Variants in SH3BP4 observed in about 807,000 individuals in gnomAD.
SH3BP4 encodes SH3 domain-binding protein 4.
In SH3BP4, 33 loss-of-function variants were observed where a neutral mutation model predicts 65.5. The observed-to-expected ratio is 0.50, with a 90% CI of 0.38 to 0.67. The LOEUF is 0.67. SH3BP4 is among the 30% of genes least tolerant of loss of function. The pLI is 0.00. For synonymous variants in SH3BP4, 552 were observed against 545.5 expected (o/e 1.01, Z -0.17); for missense variants, 1,134 against 1,261.4 (o/e 0.90, Z 1.53).
At chr2:234,972,691 A>C (rs1328288339) in intron 1 of SH3BP4, among the ~76,000 whole-genome samples, 1 of 152,106 alleles carries the variant, frequency 6.6e-6, no homozygotes, top group African/African-American at 2.4e-5. Flanking sequence ...ATGCTGCTGC[A>C]CTCCAGCCTG....
intron 3 of SH3BP4, among the ~76,000 whole-genome samples, chr2:235,038,532 A>G (rs973620491): frequency 6.7e-6 from 1 of 149,462 alleles, no homozygotes; most frequent in African/African-American, 2.5e-5. Context: ...TATATTACAG[A>G]TATATAATTT....
intron 4 of SH3BP4, among the ~76,000 whole-genome samples, chr2:235,048,112 G>A (rs950381007): frequency 3.1e-4 from 47 of 152,150 alleles, no homozygotes; most frequent in African/African-American, 1.1e-3. Flanking sequence ...TGGACAGTGT[G>A]CATTGGATGG....
intron 3 of SH3BP4, among the ~76,000 whole-genome samples, chr2:235,037,946 C>T (rs1559253868): frequency 1.3e-5 from 2 of 151,950 alleles, no homozygotes; most frequent in East Asian, 1.9e-4. Flanking sequence ...AATTCAGACA[C>T]TGCTTTCACC....
intron 3 of SH3BP4, among the ~76,000 whole-genome samples, chr2:235,038,311 AT>A (rs1271983034): frequency 4.9e-4 from 10 of 20,218 alleles, no homozygotes; most frequent in African/African-American, 2.4e-3. Flanking sequence ...ATATATATAT[AT>A]TATATATTAT....
In SH3BP4 at chr2:234,991,991, G is replaced by A. The variant is rs1042898213; in HGVS notation, c.-206-3312G>A. Among the ~76,000 whole-genome samples, 16 of 152,232 alleles carry A rather than the reference G, an allele frequency of 1.1e-4. No individual in the cohort carries two copies. Among genetic ancestry groups the A allele is most frequent in the Non-Finnish European group, 1.8e-4 (12 of 68,038 alleles). On this transcript the variant is annotated intron_variant, in intron 1 of 5. Transcript: ENST00000392011. The surrounding 1 kb of genome is among the most constrained non-coding windows in gnomAD (Gnocchi z 4.2). ...AATCATCCCCCTGTCCAGGGAGCCT[G>A]CCGGGCTCAGCTTCAGGACCACAAG...
intron 2 of SH3BP4, among the ~76,000 whole-genome samples, chr2:235,007,898 C>T (rs765414870): frequency 1.3e-5 from 2 of 152,188 alleles, no homozygotes; most frequent in Non-Finnish European, 2.9e-5. Context: ...ACCAGCAGAG[C>T]AGGGATGGGC....
At chr2:234,982,917 A>G (rs1040651810) in intron 1 of SH3BP4, among the ~76,000 whole-genome samples, 5 of 152,164 alleles carry the variant, frequency 3.3e-5, no homozygotes, top group African/African-American at 1.2e-4. Context: ...GGATAATACA[A>G]TGATGATGAG....
chr2:235,001,326 C>CT (rs1694090641), intron 2 of SH3BP4, among the ~76,000 whole-genome samples: 2 of 152,180 alleles, frequency 1.3e-5, no homozygotes, highest in Admixed American at 1.3e-4. Flanking sequence ...TGTCAGATTC[C>CT]TTAGAGGATT....
At chr2:234,992,803 T>A (rs1693791176) in intron 1 of SH3BP4, among the ~76,000 whole-genome samples, 2 of 148,550 alleles carry the variant, frequency 1.3e-5, no homozygotes, top group African/African-American at 2.5e-5. Context: ...TCCTGCCGTG[T>A]GGCTCTGCAT....
At chr2:235,032,648 C>G (rs1212443512) in intron 2 of SH3BP4, among the ~76,000 whole-genome samples, 1 of 152,144 alleles carries the variant, frequency 6.6e-6, no homozygotes, top group Admixed American at 6.5e-5. Context: ...ACCCCTTCAT[C>G]CAGCTCTACA....
intron 2 of SH3BP4, among the ~76,000 whole-genome samples, chr2:235,025,733 C>G (rs1694980294): frequency 6.6e-6 from 1 of 152,196 alleles, no homozygotes; most frequent in Admixed American, 6.5e-5. Flanking sequence ...GCAGTAAATG[C>G]CTAGAGATGA....
rs767510784 is a variant in SH3BP4 at position 234,976,607 on chromosome 2, C to T, written c.-206-18696C>T. 6.6e-6 allele frequency among the ~76,000 whole-genome samples: 1 copy of T among 152,048 alleles called. No individual in the cohort carries two copies. Among genetic ancestry groups the T allele is most frequent in the South Asian group, 2.1e-4 (1 of 4,812 alleles). On this transcript the variant is annotated intron_variant, in intron 1 of 5. Coordinates refer to ENST00000392011, the MANE Select transcript of SH3BP4 (RefSeq NM_014521.3). The surrounding 1 kb of genome is among the most constrained non-coding windows in gnomAD (Gnocchi z 4.7). Reference sequence around the variant, plus strand: ...ATCTCTGAGCAGAGCAAGCAGGGGCCTGCGGAAGGGGTTAAGAGGGGCTGG... The same window carrying T: ...ATCTCTGAGCAGAGCAAGCAGGGGCTTGCGGAAGGGGTTAAGAGGGGCTGG...
intron 1 of SH3BP4, among the ~76,000 whole-genome samples, chr2:234,969,715 G>T (rs1692931191): frequency 1.3e-5 from 2 of 152,140 alleles, no homozygotes; most frequent in Non-Finnish European, 1.5e-5. Context: ...GCCTCCTCTG[G>T]TGGGCCCCTA....
intron 2 of SH3BP4, among the ~76,000 whole-genome samples, chr2:235,008,363 G>A (rs1694369794): frequency 6.6e-6 from 1 of 152,176 alleles, no homozygotes; most frequent in Admixed American, 6.5e-5. Context: ...CTCCCTGCAG[G>A]GCCCAGGAGG....
chr2:234,999,895 C>T (rs1344655610), intron 2 of SH3BP4, among the ~76,000 whole-genome samples: 2 of 152,254 alleles, frequency 1.3e-5, no homozygotes, highest in Non-Finnish European at 2.9e-5. Flanking sequence ...ATACCTGGCC[C>T]AGGAGTGGCT....
intron 1 of SH3BP4, among the ~76,000 whole-genome samples, chr2:234,959,839 G>A (rs528653605): frequency 6.6e-6 from 1 of 151,890 alleles, no homozygotes; most frequent in Non-Finnish European, 1.5e-5. Flanking sequence ...TTCAGTAGAG[G>A]TGGGGTTTTA....
Position 234,976,112 on chromosome 2 carries a change from T to C in SH3BP4, c.-206-19191T>C, listed in dbSNP as rs1276719286. On this transcript the variant is annotated intron_variant, in intron 1 of 5. Transcript: ENST00000392011. The surrounding 1 kb of genome is among the most constrained non-coding windows in gnomAD (Gnocchi z 4.7). ...CAGGGATGATGTGTGTGGTTGTATCTTCTAGGGACAGGGGCCCTGGCTTTC... is the reference window on the plus strand; with the variant it reads ...CAGGGATGATGTGTGTGGTTGTATCCTCTAGGGACAGGGGCCCTGGCTTTC... Among the ~76,000 whole-genome samples, 1 of 152,124 alleles carries C rather than the reference T, an allele frequency of 6.6e-6. No homozygotes were observed. Among genetic ancestry groups the C allele is most frequent in the African/African-American group, 2.4e-5 (1 of 41,438 alleles).
chr2:235,043,157 G>A lies in SH3BP4; in HGVS notation c.2388G>A (p.Glu796=), dbSNP rs1417752801. 3 of 1,612,728 alleles carry A rather than the reference G, an allele frequency of 1.9e-6. No homozygotes were observed. In the Admixed American group the frequency reaches 5.0e-5, roughly 27 times the overall value. The change falls in exon 4 of 6, where the codon GAG becomes GAA. Residue 796 remains glutamate (E), a synonymous_variant. Coordinates refer to ENST00000392011, the MANE Select transcript of SH3BP4 (RefSeq NM_014521.3). ...FCRAELDSEP[E]RVASVLEKLK... ...GGGCAGAGCTGGATAGTGAGCCCGA[G>A]CGGGTGGCGTCCGTCCTAGAAAAGC... is the stretch of plus-strand genomic sequence containing the variant.
intron 1 of SH3BP4, among the ~76,000 whole-genome samples, chr2:234,959,852 A>G (rs1330393060): frequency 6.6e-6 from 1 of 151,986 alleles, no homozygotes; most frequent in Non-Finnish European, 1.5e-5. Context: ...GGGTTTTACC[A>G]TGTTGGCCAG....
Sources: allele counts gnomAD v4.1 joint callset (sites outside exome capture counted in the v4.1 genomes callset), GRCh38; gene constraint gnomAD v4.1.1; non-coding constraint Gnocchi (gnomAD v3.1); transcripts MANE v1.5; gene names NCBI Gene and HGNC (gene_info 2026-07-23, HGNC 2026-07-21).